MTMR10: variants seen among roughly 807,000 people sequenced by gnomAD.
MTMR10 encodes the protein myotubularin related protein 10, also known as myotubularin-related protein 10.
In MTMR10, 56 loss-of-function variants were observed where a neutral mutation model predicts 88.1. The observed-to-expected ratio is 0.64, with a 90% CI of 0.51 to 0.79. MTMR10 has a LOEUF of 0.79. Among genes scored for constraint, MTMR10 ranks in the 30% least tolerant of loss-of-function variants. MTMR10 has a pLI of 0.00. For synonymous variants in MTMR10, 380 were observed against 340.9 expected (o/e 1.11, Z -1.26); for missense variants, 883 against 924.7 (o/e 0.95, Z 0.58).
intron 6 of MTMR10, among the ~76,000 whole-genome samples, chr15:30,966,858 C>CTTTTTTTTTTTTT (rs76851097): frequency 7.6e-6 from 1 of 131,086 alleles, no homozygotes; most frequent in East Asian, 2.1e-4. Flanking sequence ...ACTGTATTTT[C>CTTTTTTTTTTTTT]TTTTTTTTTT....
the MTMR10 span, chr15:30,925,102 G>C: frequency 8.2e-6 from 13 of 1,591,204 alleles, no homozygotes; most frequent in Non-Finnish European, 1.1e-5. Context: ...TTAGGAGCCT[G>C]ATGTGTGACC....
the MTMR10 span, among the ~76,000 whole-genome samples, chr15:30,929,723 TAAA>T: frequency 2.3e-5 from 1 of 43,174 alleles, no homozygotes; most frequent in Non-Finnish European, 4.1e-5. Context: ...ATAATATATA[TAAA>T]ATATATAATA....
chr15:30,985,739 G>T (rs1453993027), intron 2 of MTMR10, among the ~76,000 whole-genome samples: 2 of 152,328 alleles, frequency 1.3e-5, no homozygotes, highest in South Asian at 4.1e-4. Context: ...CACCTGGCCT[G>T]CAAGGACAAT....
intron 3 of MTMR10, among the ~76,000 whole-genome samples, chr15:30,975,783 C>T (rs114880479): frequency 0.011 from 1,705 of 152,156 alleles, 23 homozygotes; most frequent in African/African-American, 0.038. Flanking sequence ...TTACACTAAA[C>T]TATTAGATCC....
At chr15:30,957,900 G>A (rs2063349554) in intron 9 of MTMR10, among the ~76,000 whole-genome samples, 1 of 152,222 alleles carries the variant, frequency 6.6e-6, no homozygotes, top group African/African-American at 2.4e-5. Context: ...ATAACACACA[G>A]GCAGAGGTGG....
downstream of MTMR10, among the ~76,000 whole-genome samples, chr15:30,934,108 G>A (rs567637769): frequency 6.6e-6 from 1 of 152,058 alleles, no homozygotes; most frequent in African/African-American, 2.4e-5. Context: ...GTTATAAGAC[G>A]CATAGACTTT....
the MTMR10 span, among the ~76,000 whole-genome samples, chr15:30,919,928 A>G: frequency 1.3e-5 from 2 of 152,202 alleles, no homozygotes; most frequent in Non-Finnish European, 2.9e-5. Context: ...GGTCAGCTGT[A>G]TATTTATAGA....
intron 15 of MTMR10, 119 bp downstream of exon 15, chr15:30,942,771 G>A: frequency 9.4e-7 from 1 of 1,064,986 alleles, no homozygotes; most frequent in Non-Finnish European, 1.3e-6. Context: ...TGACCCCTCA[G>A]AAACCCGCAT....
intron 2 of MTMR10, among the ~76,000 whole-genome samples, chr15:30,987,256 G>A (rs2030997051): frequency 6.6e-6 from 1 of 152,182 alleles, no homozygotes; most frequent in Admixed American, 6.5e-5. Context: ...AACAGTTTAA[G>A]CCAGGTGGTC....
downstream of MTMR10, among the ~76,000 whole-genome samples, chr15:30,937,825 T>C (rs1016625809): frequency 4.0e-5 from 6 of 151,866 alleles, no homozygotes; most frequent in Admixed American, 2.0e-4. Flanking sequence ...ATCTATATGA[T>C]TAGATGTGCA....
rs532340822 is a variant in MTMR10 at position 30,960,867 on chromosome 15, A to G, written c.758+14T>C. Reference sequence around the variant, plus strand: ...ACTTCCAGCCATATATAACATTGCTAAAATTGTACTTACCAAGTGGATATC... The same window carrying G: ...ACTTCCAGCCATATATAACATTGCTGAAATTGTACTTACCAAGTGGATATC... On this transcript the variant is annotated intron_variant, in intron 7 of 15. Transcript: ENST00000435680. 34 of 1,570,566 alleles carry G rather than the reference A, an allele frequency of 2.2e-5. No individual in the cohort carries two copies. The highest frequency in any genetic ancestry group is 2.9e-5 in the Non-Finnish European group (33 of 1,150,386).
At chr15:30,977,020 C>A (rs2030203277) in intron 2 of MTMR10, 65 bp from the exon 3 acceptor site, 2 of 1,498,430 alleles carry the variant, frequency 1.3e-6, no homozygotes, top group Admixed American at 3.6e-5. Context: ...TTTGTGGGAC[C>A]TAGAAGGAGT....
chr15:30,926,334 C>T, the MTMR10 span, among the ~76,000 whole-genome samples: 4 of 152,196 alleles, frequency 2.6e-5, no homozygotes, highest in Admixed American at 2.0e-4. Context: ...AGGGGCCCTG[C>T]GGCCCATGCT....
chr15:30,978,840 A>G (rs1189629274), intron 2 of MTMR10, among the ~76,000 whole-genome samples: 3 of 152,226 alleles, frequency 2.0e-5, no homozygotes. Flanking sequence ...AAAACTTATT[A>G]AAGTTCAAAT....
chr15:30,929,141 TC>T, the MTMR10 span: 2 of 1,458,486 alleles, frequency 1.4e-6, no homozygotes, highest in Non-Finnish European at 1.9e-6. Context: ...TACTGACTAG[TC>T]CTCTGGTGAA....
At chr15:30,933,484 C>T in the MTMR10 span, among the ~76,000 whole-genome samples, 1 of 152,148 alleles carries the variant, frequency 6.6e-6, no homozygotes, top group Non-Finnish European at 1.5e-5. Flanking sequence ...ATTCAGAGGA[C>T]ATATTTTGTA....
chr15:30,978,679 G>A (rs1436982182), intron 2 of MTMR10, among the ~76,000 whole-genome samples: 1 of 152,048 alleles, frequency 6.6e-6, no homozygotes, highest in Non-Finnish European at 1.5e-5. Context: ...CACAGATAAA[G>A]GATTTGCACC....
the MTMR10 span, chr15:30,928,373 A>G: frequency 1.4e-6 from 2 of 1,425,518 alleles, no homozygotes; most frequent in Non-Finnish European, 9.1e-7. Flanking sequence ...TAAACAACAT[A>G]CTGTATAAAA....
At chr15:30,963,217 CCTA>C (rs1318306336) in intron 6 of MTMR10, among the ~76,000 whole-genome samples, 1 of 152,114 alleles carries the variant, frequency 6.6e-6, no homozygotes, top group Non-Finnish European at 1.5e-5. Flanking sequence ...TAGTGGCTGC[CCTA>C]CTTCCATCAC....
Sources: gnomAD v4.1 joint callset for allele counts (sites outside exome capture counted in the v4.1 genomes callset) on GRCh38, gnomAD v4.1.1 for gene constraint, MANE v1.5 for transcripts, NCBI Gene and HGNC (gene_info 2026-07-23, HGNC 2026-07-21) for gene names.